The following RNF44 variants were observed in gnomAD, a reference collection of about 807,000 sequenced individuals.
The protein encoded by RNF44 is ring finger protein 44.
RNF44 carries 25 observed loss-of-function variants against 53.6 expected under a neutral mutation model. The observed-to-expected ratio is 0.47, with a 90% confidence interval of 0.34 to 0.65. The LOEUF is 0.65. RNF44 is among the 30% of genes least tolerant of loss of function. The pLI is 0.01. For synonymous variants in RNF44, 282 were observed against 252.2 expected (o/e 1.12, Z -1.12); for missense variants, 581 against 595.5 (o/e 0.98, Z 0.25).
At position 176,529,821 on chromosome 5, in the gene RNF44, A is replaced by G. The variant is rs1756391774; in HGVS notation, c.927-3T>C. 6.3e-7 allele frequency: 1 copy of G among 1,594,028 alleles called. No individual in the cohort carries two copies. The highest frequency in any genetic ancestry group is 2.2e-5 in the East Asian group (1 of 44,770). ...TTGGTGACATTGGCAGCATCGAGCT[A>G]GAGAGAGACAAGTGTGGGGGCCCAG... On this transcript the variant is annotated splice_polypyrimidine_tract_variant and splice_region_variant and intron_variant, in intron 7 of 10. Coordinates refer to ENST00000274811, the MANE Select transcript of RNF44 (RefSeq NM_014901.5).
At position 176,528,559 on chromosome 5, in the gene RNF44, G is replaced by C. The variant is rs1756251793; in HGVS notation, c.*469C>G. On this transcript the variant is annotated 3_prime_UTR_variant, in exon 11 of 11. Transcript: ENST00000274811. ...AGGGGGGATTCAGCCCTGGGGCTCAGGAAATGGCTCGTGACACCGTCTGTC... is the reference window on the plus strand; with the variant it reads ...AGGGGGGATTCAGCCCTGGGGCTCACGAAATGGCTCGTGACACCGTCTGTC... 2 of 164,362 alleles carry C rather than the reference G, an allele frequency of 1.2e-5. No individual in the cohort carries two copies. The highest frequency in any genetic ancestry group is 2.6e-5 in the Non-Finnish European group (2 of 75,968). The allele number at this position is 164,362 out of a possible 1,614,324, so 10.2% of individuals were successfully genotyped here. A position where few individuals can be genotyped will look rare whatever the true frequency, so the allele number is the denominator to read the frequency against.
In RNF44 at chr5:176,529,764, C is replaced by T; in HGVS notation, c.981G>A (p.Leu327=). ...TCTCCATCTCCACATCATCCACGTC[C>T]AGGTCCAGGCTGATGGTGGGCCCCA... ...TAMGPTISLD[L]DVDDVEMENY... is the part of the protein sequence containing the mutation. Residue 327 remains leucine, a synonymous_variant, in exon 8 of 11, where the codon CTG becomes CTA. Transcript: ENST00000274811. 1.2e-6 allele frequency: 2 copies of T among 1,612,238 alleles called. No individual in the cohort carries two copies. Among genetic ancestry groups the T allele is most frequent in the Non-Finnish European group, 1.7e-6 (2 of 1,179,028 alleles).
At chr5:176,535,233 C>T (rs918305452) in intron 1 of RNF44, among the ~76,000 whole-genome samples, 1 of 152,236 alleles carries the variant, frequency 6.6e-6, no homozygotes, top group Non-Finnish European at 1.5e-5. Context: ...CCAATAACTA[C>T]CTCCCAGTTT....
chr5:176,538,657 A>C (rs935985969), upstream of RNF44, among the ~76,000 whole-genome samples: 7 of 151,930 alleles, frequency 4.6e-5, no homozygotes, highest in African/African-American at 1.7e-4. Context: ...GCGCCAATGC[A>C]AAATGTTAAC....
chr5:176,538,014 G>A (rs1365255714), upstream of RNF44: 2 of 152,190 alleles, frequency 1.3e-5, no homozygotes, highest in African/African-American at 2.4e-5. Flanking sequence ...CCATGCAAAC[G>A]AGCTAACGTC....
chr5:176,538,344 T>C (rs1055863353), upstream of RNF44, among the ~76,000 whole-genome samples: 1 of 152,214 alleles, frequency 6.6e-6, no homozygotes, highest in African/African-American at 2.4e-5. Context: ...GGCCTTCCCT[T>C]ACTCCAGATC....
At chr5:176,529,841 G>C (rs769620846) in intron 7 of RNF44, 23 bp from the exon 8 acceptor site, 93 of 1,570,082 alleles carry the variant, frequency 5.9e-5, no homozygotes, top group Middle Eastern at 5.2e-4. Flanking sequence ...AAGTGTGGGG[G>C]CCCAGGGTCA....
chr5:176,531,729 C>T lies in RNF44; in HGVS notation c.298-99G>A, dbSNP rs887977915. On this transcript the variant is annotated intron_variant, in intron 3 of 10. Coordinates refer to ENST00000274811, the MANE Select transcript of RNF44 (RefSeq NM_014901.5). The surrounding 1 kb of genome is among the most constrained non-coding windows in gnomAD (Gnocchi z 4.2). ...CCTGCCACATCCAGCTGCCGGCTCC[C>T]TTCCCTTCTCCACGGCGGCCTACCT... The T allele has an allele frequency of 3.9e-6, 5 of 1,286,222 alleles. No individual in the cohort carries two copies. Among genetic ancestry groups the T allele is most frequent in the Non-Finnish European group, 5.3e-6 (5 of 941,588 alleles). 79.7% of individuals were successfully genotyped at this position (1,286,222 alleles called of 1,614,324 possible).
Position 176,529,568 on chromosome 5 carries a change from G to A in RNF44, c.1091C>T (p.Pro364Leu), listed in dbSNP as rs201385244. ...GCTGTCCGGGTTAAAGCGGTACGAC[G>A]GGAGCTGCTCTATGTCTGCTTTGGT... ...GLTKADIEQL[P>L]SYRFNPDSHQ... The change falls in exon 9 of 11, where the codon CCG (proline) becomes CTG (leucine). Residue 364 changes from proline to leucine, a missense_variant. Around this residue, in one of 3 missense-constraint regions of RNF44, gnomAD observed 183 missense variants for 198.6 expected, o/e 0.92. Coordinates refer to ENST00000274811, the MANE Select transcript of RNF44 (RefSeq NM_014901.5). 1.1e-5 allele frequency: 18 copies of A among 1,613,926 alleles called. No individual in the cohort carries two copies. The highest frequency in any genetic ancestry group is 1.6e-4 in the Middle Eastern group (1 of 6,084).
chr5:176,530,013 A>G, intron 7 of RNF44, 69 bp downstream of exon 7: 1 of 1,465,906 alleles, frequency 6.8e-7, no homozygotes, highest in Non-Finnish European at 9.0e-7. Flanking sequence ...AGCTGTGTTT[A>G]GGTCTAACCA....
In RNF44 at chr5:176,532,524, GCAAGGAGA is replaced by G; in HGVS notation, c.-44-16_-44-9del. On this transcript the variant is annotated splice_polypyrimidine_tract_variant and intron_variant, in intron 1 of 10. Coordinates refer to ENST00000274811, the MANE Select transcript of RNF44 (RefSeq NM_014901.5). ...GGGCCGGGACTCACAACCCTAGGAG[GCAAGGAGA>G]CAAGAAGACTGAGGCACCTGGCCAA... 6.7e-7 allele frequency: 1 copy of G among 1,489,934 alleles called. No homozygotes were observed. The highest frequency in any genetic ancestry group is 8.9e-7 in the Non-Finnish European group (1 of 1,123,922). 92.3% of individuals were successfully genotyped at this position (1,489,934 alleles called of 1,614,324 possible).
rs1383065221 is a variant in RNF44 at position 176,537,007 on chromosome 5, C to CGGGGG, written c.-117_-113dup. On this transcript the variant is annotated 5_prime_UTR_variant, in exon 1 of 11. Transcript: ENST00000274811. ...TAGGACGGCCAAACTGGGCAGGGGG[C>CGGGGG]GGGGGAGGGGGGGGGTGCCTGTCTG... The CGGGGG allele has an allele frequency of 2.7e-4, 3 of 11,074 alleles. No homozygotes were observed. The highest frequency in any genetic ancestry group is 3.7e-3 in the East Asian group (2 of 542). The allele number at this position is 11,074 out of a possible 1,614,324, so 0.7% of individuals were successfully genotyped here.
chr5:176,537,284 T>C lies in RNF44; in HGVS notation c.-389A>G, dbSNP rs1431890521. 6.6e-6 allele frequency: 1 copy of C among 152,224 alleles called. No individual in the cohort carries two copies. The highest frequency in any genetic ancestry group is 2.4e-5 in the African/African-American group (1 of 41,460). 9.4% of individuals were successfully genotyped at this position (152,224 alleles called of 1,614,324 possible). On this transcript the variant is annotated 5_prime_UTR_variant, in exon 1 of 11. Coordinates refer to ENST00000274811, the MANE Select transcript of RNF44 (RefSeq NM_014901.5). ...AGAACTGTCCGCGGCGGCAGCGGAA[T>C]GTAACAAACCCCACATTTGATTCAC...
Position 176,531,708 on chromosome 5 carries a change from C to CCA in RNF44, c.298-80_298-79dup. 1 of 1,397,690 alleles carries CCA rather than the reference C, an allele frequency of 7.2e-7. No individual in the cohort carries two copies. Among genetic ancestry groups the CCA allele is most frequent in the Non-Finnish European group, 9.7e-7 (1 of 1,029,978 alleles). 86.6% of individuals were successfully genotyped at this position (1,397,690 alleles called of 1,614,324 possible). On this transcript the variant is annotated intron_variant, in intron 3 of 10. Coordinates refer to ENST00000274811, the MANE Select transcript of RNF44 (RefSeq NM_014901.5). This position sits in a 1 kb window ranked among gnomAD's most constrained non-coding sequence, Gnocchi z 4.2. ...GCTACTCTCAGGAGAAATCATCCTGCCACATCCAGCTGCCGGCTCCCTTCC... is the reference window on the plus strand; with the variant it reads ...GCTACTCTCAGGAGAAATCATCCTGCCACACATCCAGCTGCCGGCTCCCTTCC...
rs2113207672 is a variant in RNF44 at position 176,537,347 on chromosome 5, G to T, written c.-452C>A. 1 of 152,284 alleles carries T rather than the reference G, an allele frequency of 6.6e-6. No individual in the cohort carries two copies. Among genetic ancestry groups the T allele is most frequent in the South Asian group, 2.1e-4 (1 of 4,824 alleles). 9.4% of individuals were successfully genotyped at this position (152,284 alleles called of 1,614,324 possible). Reference sequence around the variant, plus strand: ...GGCGGGGTCGCGCGCCAGACGGGAGGGGGCTCGCGGGGGCGCGCCGGGAGG... The same window carrying T: ...GGCGGGGTCGCGCGCCAGACGGGAGTGGGCTCGCGGGGGCGCGCCGGGAGG... On this transcript the variant is annotated 5_prime_UTR_variant, in exon 1 of 11. Transcript: ENST00000274811.
upstream of RNF44, among the ~76,000 whole-genome samples, chr5:176,540,592 A>T (rs1180675864): frequency 1.3e-5 from 2 of 152,170 alleles, no homozygotes; most frequent in Non-Finnish European, 2.9e-5. Flanking sequence ...GACCATCTCC[A>T]TGTGACTGCT....
Position 176,528,800 on chromosome 5 carries a change from G to A in RNF44, c.*228C>T, listed in dbSNP as rs890375152. ...CGATCAGGGACACTCAGGCAGCTCC[G>A]TGGCGGGCGGGCAGGCAGGCAGACT... On this transcript the variant is annotated 3_prime_UTR_variant, in exon 11 of 11. Transcript: ENST00000274811. The A allele has an allele frequency of 6.7e-5, 39 of 584,502 alleles. No homozygotes were observed. Among genetic ancestry groups the A allele is most frequent in the African/African-American group, 1.3e-4 (7 of 51,922 alleles). The allele number at this position is 584,502 out of a possible 1,614,324, so 36.2% of individuals were successfully genotyped here. A position where few individuals can be genotyped will look rare whatever the true frequency, so the allele number is the denominator to read the frequency against.
At position 176,528,923 on chromosome 5, in the gene RNF44, G is replaced by A. The variant is rs569523030; in HGVS notation, c.*105C>T. 18 of 1,072,162 alleles carry A rather than the reference G, an allele frequency of 1.7e-5. No homozygotes were observed. The East Asian group carries it at 4.2e-4, about 25-fold the overall frequency. The allele number at this position is 1,072,162 out of a possible 1,614,324, so 66.4% of individuals were successfully genotyped here. ...ACCAGCTCTGGAAATGCAGGCAGGAGCGAAGGGGCAGGCCTGGGCCACTCC... is the reference window on the plus strand; with the variant it reads ...ACCAGCTCTGGAAATGCAGGCAGGAACGAAGGGGCAGGCCTGGGCCACTCC... On this transcript the variant is annotated 3_prime_UTR_variant, in exon 11 of 11. Coordinates refer to ENST00000274811, the MANE Select transcript of RNF44 (RefSeq NM_014901.5).
At chr5:176,529,160 G>A in intron 10 of RNF44, 70 bp from the exon 11 acceptor site, 2 of 1,589,958 alleles carry the variant, frequency 1.3e-6, no homozygotes, top group Non-Finnish European at 8.6e-7. Flanking sequence ...AGCCACCTGG[G>A]GGGACTTGGT....
Sources: gnomAD v4.1 joint callset for allele counts (sites outside exome capture counted in the v4.1 genomes callset) on GRCh38, gnomAD v4.1.1 for gene constraint, gnomAD v4.1.1 regional missense constraint, Gnocchi (gnomAD v3.1) non-coding constraint, MANE v1.5 for transcripts, NCBI Gene and HGNC (gene_info 2026-07-23, HGNC 2026-07-21) for gene names.